Variants in ADAMTS19 observed in about 807,000 individuals in gnomAD.
ADAMTS19 encodes ADAM metallopeptidase with thrombospondin type 1 motif 19.
In ADAMTS19, 93 loss-of-function variants were observed where a neutral mutation model predicts 153.3. The ratio of observed to expected loss-of-function variants is 0.61; its 90% CI spans 0.51 to 0.72. ADAMTS19 has a LOEUF of 0.72. Ranked by LOEUF, ADAMTS19 falls within the 30% of genes least tolerant of loss-of-function variation. The pLI is 0.00. For synonymous variants in ADAMTS19, 600 were observed against 556.6 expected (o/e 1.08, Z -1.10); for missense variants, 1,482 against 1,552.1 (o/e 0.95, Z 0.76).
At chr5:129,618,942 A>G (rs1751653041) in intron 8 of ADAMTS19, among the ~76,000 whole-genome samples, 1 of 152,046 alleles carries the variant, frequency 6.6e-6, no homozygotes, top group African/African-American at 2.4e-5. Context: ...AACATTGGTT[A>G]CAGAGTCTCA....
chr5:129,610,578 T>C (rs1322185355), intron 8 of ADAMTS19, among the ~76,000 whole-genome samples: 1 of 152,124 alleles, frequency 6.6e-6, no homozygotes, highest in African/African-American at 2.4e-5. Context: ...CTGAGAATGA[T>C]GGTTTTCAGC....
At chr5:129,491,918 T>C (rs1221110359) in intron 2 of ADAMTS19, among the ~76,000 whole-genome samples, 1 of 152,242 alleles carries the variant, frequency 6.6e-6, no homozygotes, top group Non-Finnish European at 1.5e-5. Context: ...TGCATAAAGA[T>C]ATAAACATGC....
At chr5:129,570,349 A>G (rs982247218) in intron 7 of ADAMTS19, among the ~76,000 whole-genome samples, 3 of 151,922 alleles carry the variant, frequency 2.0e-5, no homozygotes, top group African/African-American at 7.2e-5. Flanking sequence ...CAGTTCATTG[A>G]AATCCTCAAA....
At chr5:129,537,492 C>T (rs925681295) in intron 6 of ADAMTS19, among the ~76,000 whole-genome samples, 9 of 152,102 alleles carry the variant, frequency 5.9e-5, no homozygotes, top group African/African-American at 2.2e-4. Context: ...TTTATTGCGG[C>T]ACTATTCACA....
At chr5:129,648,560 C>T (rs1180825353) in intron 12 of ADAMTS19, among the ~76,000 whole-genome samples, 4 of 151,984 alleles carry the variant, frequency 2.6e-5, no homozygotes, top group African/African-American at 9.7e-5. Context: ...ATTTTCATGG[C>T]AAGTGGGATT....
intron 10 of ADAMTS19, 131 bp downstream of exon 10, chr5:129,622,479 A>G: frequency 9.3e-7 from 1 of 1,069,952 alleles, no homozygotes; most frequent in Non-Finnish European, 1.3e-6. Context: ...ATTTTCTAAG[A>G]AAAGGTTTGT....
At chr5:129,694,373 G>C (rs957846555) in intron 18 of ADAMTS19, among the ~76,000 whole-genome samples, 1 of 152,048 alleles carries the variant, frequency 6.6e-6, no homozygotes, top group Admixed American at 6.6e-5. Context: ...GAAGAAATAA[G>C]ACCTGGTGTT....
chr5:129,727,867 G>A (rs1561673452), intron 21 of ADAMTS19, among the ~76,000 whole-genome samples: 1 of 152,166 alleles, frequency 6.6e-6, no homozygotes, highest in Non-Finnish European at 1.5e-5. Flanking sequence ...GAGAGACTCT[G>A]TCTTGCATAG....
At chr5:129,603,919 C>A (rs1049306453) in intron 8 of ADAMTS19, among the ~76,000 whole-genome samples, 6 of 152,212 alleles carry the variant, frequency 3.9e-5, no homozygotes, top group African/African-American at 1.4e-4. Flanking sequence ...TTCTAGCTAA[C>A]TTTACTCAAC....
rs1205280756 is a variant in ADAMTS19, at chr5:129,522,330, C to CATAT, written c.914-3953_914-3952insTATA. 8.4e-3 allele frequency among the ~76,000 whole-genome samples: 596 copies of CATAT among 70,716 alleles called. 3 individuals are homozygous for CATAT. The highest frequency in any genetic ancestry group is 0.026 in the African/African-American group (380 of 14,346). 46.4% of individuals were successfully genotyped at this position (70,716 alleles called of 152,430 possible). A position where few individuals can be genotyped will look rare whatever the true frequency, so the allele number is the denominator to read the frequency against. ...ATATATATATATACACACACACACA[C>CATAT]ACATATATATATATATATATATATA... On this transcript the variant is annotated intron_variant, in intron 3 of 22. Coordinates refer to ENST00000274487, the MANE Select transcript of ADAMTS19 (RefSeq NM_133638.6).
At chr5:129,653,343 T>C (rs770935117) in intron 13 of ADAMTS19, among the ~76,000 whole-genome samples, 32 of 152,190 alleles carry the variant, frequency 2.1e-4, no homozygotes, top group Non-Finnish European at 3.5e-4. Context: ...ATTTGGATAA[T>C]AGTATTACTA....
At chr5:129,660,556 C>T (rs914767716) in intron 15 of ADAMTS19, among the ~76,000 whole-genome samples, 8 of 151,822 alleles carry the variant, frequency 5.3e-5, no homozygotes, top group Non-Finnish European at 1.0e-4. Context: ...CTTCATATTT[C>T]CACTAAGCAT....
At chr5:129,640,367 T>C (rs577038792) in intron 10 of ADAMTS19, among the ~76,000 whole-genome samples, 2 of 152,164 alleles carry the variant, frequency 1.3e-5, no homozygotes, top group Non-Finnish European at 2.9e-5. Flanking sequence ...TTAGGGTAAT[T>C]AAATATTAAT....
intron 19 of ADAMTS19, among the ~76,000 whole-genome samples, chr5:129,700,685 AAAGAAT>A (rs796117891): frequency 5.9e-5 from 9 of 152,294 alleles, no homozygotes; most frequent in African/African-American, 2.2e-4. Context: ...TGTAAATTAC[AAAGAAT>A]AAGAATAACT....
At chr5:129,708,991 T>C (rs1381141915) in intron 21 of ADAMTS19, among the ~76,000 whole-genome samples, 1 of 152,094 alleles carries the variant, frequency 6.6e-6, no homozygotes, top group African/African-American at 2.4e-5. Flanking sequence ...TATATATTTG[T>C]TTAGAAGTGA....
At chr5:129,658,889 T>C (rs566681706) in intron 15 of ADAMTS19, 152 bp downstream of exon 15, 3 of 796,156 alleles carry the variant, frequency 3.8e-6, no homozygotes, top group African/African-American at 1.8e-5. Context: ...ACAATACATG[T>C]GATATGAGCC....
At chr5:129,473,883 T>A (rs900837813) in intron 2 of ADAMTS19, among the ~76,000 whole-genome samples, 1 of 152,132 alleles carries the variant, frequency 6.6e-6, no homozygotes, top group Non-Finnish European at 1.5e-5. Context: ...AAAAAGGATA[T>A]TGCGAATGCC....
chr5:129,541,820 T>C (rs1444632664), intron 6 of ADAMTS19, among the ~76,000 whole-genome samples: 1 of 152,102 alleles, frequency 6.6e-6, no homozygotes. Flanking sequence ...GAGCCATTTA[T>C]GTTGTGTATT....
At chr5:129,587,267 T>C (rs1429339799) in intron 7 of ADAMTS19, among the ~76,000 whole-genome samples, 1 of 152,126 alleles carries the variant, frequency 6.6e-6, no homozygotes, top group Non-Finnish European at 1.5e-5. Flanking sequence ...TGATTTTTTT[T>C]ATAAATCCCA....
Sources: gnomAD v4.1 joint callset for allele counts (sites outside exome capture counted in the v4.1 genomes callset) on GRCh38, gnomAD v4.1.1 for gene constraint, MANE v1.5 for transcripts, NCBI Gene and HGNC (gene_info 2026-07-23, HGNC 2026-07-21) for gene names.